Variants in WDR59 observed in about 807,000 individuals in gnomAD.
WDR59 encodes WD repeat domain 59.
Under a neutral mutation model 131.2 loss-of-function variants are expected in WDR59, and 100 were observed. That is an observed-to-expected ratio of 0.76 (90% CI 0.65 to 0.90). The LOEUF (loss-of-function observed/expected upper bound fraction) is 0.90, where lower values mean the gene tolerates loss of function less well. Ranked by LOEUF, WDR59 falls within the 40% of genes least tolerant of loss-of-function variation. The probability of loss-of-function intolerance (pLI) is 0.00; values close to 1 mark genes in which losing one functional copy is unlikely to be tolerated. For synonymous variants in WDR59, 601 were observed against 466.2 expected (o/e 1.29, Z -3.72); for missense variants, 1,203 against 1,262.2 (o/e 0.95, Z 0.71).
At chr16:74,949,501 T>C (rs2032867325) in intron 5 of WDR59, among the ~76,000 whole-genome samples, 1 of 151,490 alleles carries the variant, frequency 6.6e-6, no homozygotes, top group Non-Finnish European at 1.5e-5. Context: ...AGGGAAGAGT[T>C]CTCCTTAAGG....
chr16:74,973,845 G>C lies in WDR59; in HGVS notation c.55-8023C>G, dbSNP rs544544604. ...GAGGTCAAGAGTTCAAGACCAGCCT[G>C]GCCAACATGGTGATACCCTGTCTCT... On this transcript the variant is annotated intron_variant, in intron 1 of 25. Transcript: ENST00000262144. 2.0e-5 allele frequency among the ~76,000 whole-genome samples: 3 copies of C among 152,186 alleles called. No individual in the cohort carries two copies. In the East Asian group the frequency reaches 5.8e-4, roughly 29 times the overall value.
In WDR59 at chr16:74,904,109, GA is replaced by G. The variant is rs779556777; in HGVS notation, c.1713-10del. On this transcript the variant is annotated splice_polypyrimidine_tract_variant and intron_variant, in intron 17 of 25. Transcript: ENST00000262144. ...ACAAGGCTGAGAGAGATCTGTAGTT[GA>G]AAATGATAATTATCCACACTGGCTG... 3.1e-6 allele frequency: 5 copies of G among 1,610,830 alleles called. No individual in the cohort carries two copies. The South Asian group carries it at 5.5e-5, about 18-fold the overall frequency.
intron 1 of WDR59, among the ~76,000 whole-genome samples, chr16:74,977,250 T>A (rs999092420): frequency 7.9e-5 from 12 of 151,368 alleles, no homozygotes; most frequent in Non-Finnish European, 1.8e-4. Context: ...AAAAAAAAAA[T>A]TTTAATTTAA....
At chr16:74,913,558 T>C (rs1238860140) in intron 13 of WDR59, among the ~76,000 whole-genome samples, 1 of 152,176 alleles carries the variant, frequency 6.6e-6, no homozygotes, top group African/African-American at 2.4e-5. Context: ...CCTAAAGTGC[T>C]GGGATTACAG....
rs1298660581 is a variant in WDR59, at chr16:74,944,467, A to AC, written c.446-1642_446-1641insG. ...GGCAACAGAGCAAGACTGTCTCAAA[A>AC]AAAAAAAAAAAAAATCATTACACCA... is the stretch of plus-strand genomic sequence containing the variant. On this transcript the variant is annotated intron_variant, in intron 6 of 25. Coordinates refer to ENST00000262144, the MANE Select transcript of WDR59 (RefSeq NM_030581.4). Among the ~76,000 whole-genome samples the AC allele has an allele frequency of 2.0e-5, 3 of 151,532 alleles. No individual in the cohort carries two copies. In the East Asian group the frequency reaches 5.8e-4, roughly 29 times the overall value.
intron 21 of WDR59, among the ~76,000 whole-genome samples, chr16:74,888,636 T>A (rs1964890121): frequency 6.6e-6 from 1 of 152,244 alleles, no homozygotes; most frequent in African/African-American, 2.4e-5. Context: ...TGGACTAACC[T>A]GACATCTGAG....
chr16:74,947,224 G>T (rs1195098863), intron 6 of WDR59, among the ~76,000 whole-genome samples: 1 of 152,072 alleles, frequency 6.6e-6, no homozygotes, highest in African/African-American at 2.4e-5. Flanking sequence ...CAAGTCGGGT[G>T]GATCACCTGA....
intron 11 of WDR59, 57 bp from the exon 12 acceptor site, chr16:74,916,316 G>T: frequency 8.1e-6 from 13 of 1,607,534 alleles, no homozygotes; most frequent in Non-Finnish European, 1.1e-5. Flanking sequence ...TGATTGTCAT[G>T]TCTGATTAAA....
At chr16:74,883,717 C>G (rs1298082089) in intron 25 of WDR59, among the ~76,000 whole-genome samples, 1 of 152,164 alleles carries the variant, frequency 6.6e-6, no homozygotes, top group African/African-American at 2.4e-5. Context: ...ACGACCCTAG[C>G]TCCAGGTATT....
At chr16:74,935,912 G>A (rs946074069) in intron 8 of WDR59, among the ~76,000 whole-genome samples, 12 of 151,570 alleles carry the variant, frequency 7.9e-5, no homozygotes, top group Middle Eastern at 3.4e-3. Context: ...CAGGAGAATC[G>A]CTTGAACCTG....
At chr16:74,944,693 A>G (rs1459812514) in intron 6 of WDR59, among the ~76,000 whole-genome samples, 1 of 152,086 alleles carries the variant, frequency 6.6e-6, no homozygotes, top group African/African-American at 2.4e-5. Context: ...AAGGTCCACA[A>G]GCCTCTCACT....
intron 2 of WDR59, among the ~76,000 whole-genome samples, chr16:74,962,208 G>T (rs1189742912): frequency 6.6e-6 from 1 of 152,132 alleles, no homozygotes; most frequent in Non-Finnish European, 1.5e-5. Flanking sequence ...AGGATAGTTT[G>T]AAGTCGGGTA....
chr16:74,971,530 T>G (rs373456593), intron 1 of WDR59, among the ~76,000 whole-genome samples: 1 of 150,100 alleles, frequency 6.7e-6, no homozygotes, highest in East Asian at 2.0e-4. Context: ...CCTCCTGAGT[T>G]CAAGCAATTC....
At chr16:74,948,943 A>G (rs2032820438) in intron 5 of WDR59, among the ~76,000 whole-genome samples, 1 of 152,174 alleles carries the variant, frequency 6.6e-6, no homozygotes, top group South Asian at 2.1e-4. Flanking sequence ...GGTTGCAGTG[A>G]GCCAAGATCG....
intron 6 of WDR59, among the ~76,000 whole-genome samples, chr16:74,945,127 T>C (rs912728913): frequency 2.0e-5 from 3 of 149,906 alleles, no homozygotes; most frequent in African/African-American, 7.4e-5. Flanking sequence ...CCATCTCAAA[T>C]AAAAAAAGAA....
chr16:74,967,499 C>T (rs1210350136), intron 1 of WDR59, among the ~76,000 whole-genome samples: 1 of 152,122 alleles, frequency 6.6e-6, no homozygotes, highest in Non-Finnish European at 1.5e-5. Flanking sequence ...ATTCACTGAA[C>T]ACAAATCTAG....
At chr16:74,897,873 G>A (rs1965369395) in intron 18 of WDR59, among the ~76,000 whole-genome samples, 1 of 152,172 alleles carries the variant, frequency 6.6e-6, no homozygotes, top group African/African-American at 2.4e-5. Flanking sequence ...AGGCTTCAGG[G>A]GTCACTTGGT....
chr16:74,979,105 A>G (rs2034298274), intron 1 of WDR59: 1 of 152,188 alleles, frequency 6.6e-6, no homozygotes, highest in South Asian at 2.1e-4. Flanking sequence ...GGCTATTTAA[A>G]TGGCAATTAA....
At chr16:74,941,708 A>AG (rs2032245046) in intron 7 of WDR59, among the ~76,000 whole-genome samples, 1 of 150,860 alleles carries the variant, frequency 6.6e-6, no homozygotes, top group South Asian at 2.1e-4. Flanking sequence ...AAAAAAAAAA[A>AG]GAAGATGCAC....
Sources: allele counts gnomAD v4.1 joint callset (sites outside exome capture counted in the v4.1 genomes callset), GRCh38; gene constraint gnomAD v4.1.1; transcripts MANE v1.5; gene names NCBI Gene and HGNC (gene_info 2026-07-23, HGNC 2026-07-21).